Variants in PREX1 observed in about 807,000 individuals in gnomAD.
PREX1 encodes phosphatidylinositol 3,4,5-trisphosphate-dependent Rac exchanger 1 protein.
In PREX1, 41 loss-of-function variants were observed where a neutral mutation model predicts 198.3. The observed-to-expected ratio is 0.21, with a 90% CI of 0.16 to 0.27. PREX1 has a LOEUF of 0.27. PREX1 is among the 10% of genes least tolerant of loss of function. The pLI, the probability that PREX1 is intolerant of heterozygous loss-of-function variation, is 1.00. For missense variants in PREX1, 1,620 were observed against 2,200.7 expected (o/e 0.74, Z 5.28); for synonymous variants, 843 against 887.2 (o/e 0.95, Z 0.89).
chr20:48,627,236 CAG>C (rs1474835260), intron 39 of PREX1, among the ~76,000 whole-genome samples: 2 of 122,688 alleles, frequency 1.6e-5, no homozygotes, highest in African/African-American at 6.4e-5. Context: ...GCATGGGACA[CAG>C]GGTGGAGGGC....
Position 48,634,700 on chromosome 20 carries a change from G to C in PREX1, c.4243C>G (p.Gln1415Glu). The change falls in exon 33 of 40, where the codon CAG becomes GAG. Residue 1415 changes from glutamine to glutamate, a missense_variant. By Grantham distance (29) the Gln-to-Glu change is conservative. Transcript: ENST00000371941. The part of the protein sequence containing the change: ...ELDNVTFSFK[Q>E]LDENYVANTN... The stretch of plus-strand genomic sequence containing the variant: ...CTGGCCACATAGTTCTCGTCCAGCT[G>C]CTTAAAGGAGAAGGTGACATTGTCC... 6.2e-7 allele frequency: 1 copy of C among 1,614,162 alleles called. No individual in the cohort carries two copies. Among genetic ancestry groups the C allele is most frequent in the Non-Finnish European group, 8.5e-7 (1 of 1,180,022 alleles).
intron 5 of PREX1, among the ~76,000 whole-genome samples, chr20:48,723,367 GA>G (rs543602077): frequency 3.5e-4 from 54 of 152,324 alleles, no homozygotes; most frequent in African/African-American, 1.3e-3. Flanking sequence ...GTGACAGAAA[GA>G]AGGAACTCCG....
chr20:48,627,780 G>T, intron 38 of PREX1, 81 bp downstream of exon 38: 2 of 1,445,050 alleles, frequency 1.4e-6, no homozygotes, highest in Non-Finnish European at 1.9e-6. Context: ...GTGGCTACCA[G>T]CCCCTCATCC....
intron 1 of PREX1, among the ~76,000 whole-genome samples, chr20:48,750,062 C>T (rs181836456): frequency 2.8e-3 from 362 of 130,620 alleles, no homozygotes; most frequent in South Asian, 3.8e-3. Context: ...AAACTCACAC[C>T]GAACTCTTCC....
intron 1 of PREX1, among the ~76,000 whole-genome samples, chr20:48,791,925 G>T (rs116337169): frequency 6.6e-6 from 1 of 152,194 alleles, no homozygotes; most frequent in African/African-American, 2.4e-5. Flanking sequence ...TACCGGGCTC[G>T]AGTTCCCGCA....
At position 48,684,939 on chromosome 20, in the gene PREX1, T is replaced by C. The variant is rs1448974997; in HGVS notation, c.1335-3604A>G. On this transcript the variant is annotated intron_variant, in intron 10 of 39. Transcript: ENST00000371941. The surrounding 1 kb of genome is among the most constrained non-coding windows in gnomAD (Gnocchi z 4.2). The stretch of plus-strand genomic sequence containing the variant: ...CCCACACCCTCTCATGGCTGGCTCT[T>C]GCTTGTCTTTCAGATCGTGGTTAAA... Among the ~76,000 whole-genome samples the C allele has an allele frequency of 6.6e-6, 1 of 152,262 alleles. No homozygotes were observed. Among genetic ancestry groups the C allele is most frequent in the East Asian group, 1.9e-4 (1 of 5,202 alleles).
chr20:48,719,029 T>C (rs926630), intron 5 of PREX1, among the ~76,000 whole-genome samples: 75,915 of 152,130 alleles, frequency 0.5, 21,040 homozygotes, highest in African/African-American at 0.75. Flanking sequence ...CATGAGTTTT[T>C]TCATGCATTG....
intron 5 of PREX1, among the ~76,000 whole-genome samples, chr20:48,709,255 A>G (rs2089919277): frequency 6.6e-6 from 1 of 152,194 alleles, no homozygotes; most frequent in African/African-American, 2.4e-5. Context: ...TGGCAGAGAT[A>G]ATTTTCTTTA....
the PREX1 span, among the ~76,000 whole-genome samples, chr20:48,845,215 A>T: frequency 1.3e-5 from 2 of 152,254 alleles, no homozygotes; most frequent in South Asian, 2.1e-4. Flanking sequence ...CGTGAAGCTT[A>T]TATTTCCGGT....
chr20:48,833,228 G>A, the PREX1 span, among the ~76,000 whole-genome samples: 2 of 152,090 alleles, frequency 1.3e-5, no homozygotes, highest in Non-Finnish European at 2.9e-5. Context: ...CATGATGTCT[G>A]GAGCTATGAC....
In PREX1 at chr20:48,739,244, C is replaced by A. The variant is rs2090070567; in HGVS notation, c.415-4594G>T. Among the ~76,000 whole-genome samples the A allele has an allele frequency of 2.0e-5, 3 of 152,236 alleles. No homozygotes were observed. In the South Asian group the frequency reaches 6.2e-4, roughly 32 times the overall value. On this transcript the variant is annotated intron_variant, in intron 3 of 39. Transcript: ENST00000371941. ...CCCTTTCTCACCTTGGTCCAGACCA[C>A]CCTCCCCAAGATCATCCCATTCCAA...
At chr20:48,814,353 C>T (rs1007866729) in intron 1 of PREX1, among the ~76,000 whole-genome samples, 5 of 152,156 alleles carry the variant, frequency 3.3e-5, no homozygotes, top group African/African-American at 1.2e-4. Flanking sequence ...CAAGATAATT[C>T]CAGGCAGTGA....
upstream of PREX1, among the ~76,000 whole-genome samples, chr20:48,832,748 G>T (rs899417615): frequency 2.6e-5 from 4 of 152,224 alleles, no homozygotes; most frequent in African/African-American, 9.6e-5. Flanking sequence ...TCTAAGGGAA[G>T]CCTTGCTGTT....
At chr20:48,873,950 C>G in the PREX1 span, among the ~76,000 whole-genome samples, 1 of 152,038 alleles carries the variant, frequency 6.6e-6, no homozygotes, top group East Asian at 1.9e-4. Context: ...GTGGGGCAAT[C>G]GCAGCCCACT....
At chr20:48,703,003 G>T (rs910265197) in intron 6 of PREX1, among the ~76,000 whole-genome samples, 1 of 152,200 alleles carries the variant, frequency 6.6e-6, no homozygotes, top group African/African-American at 2.4e-5. Flanking sequence ...GAGAGAGGGA[G>T]AATTATTCAC....
At chr20:48,811,629 C>CTGGAT (rs2090436409) in intron 1 of PREX1, among the ~76,000 whole-genome samples, 1 of 95,660 alleles carries the variant, frequency 1.0e-5, no homozygotes, top group Admixed American at 9.4e-5. Flanking sequence ...CACACCCCCC[C>CTGGAT]ACACACACAC....
At chr20:48,722,368 C>T (rs1006488566) in intron 5 of PREX1, among the ~76,000 whole-genome samples, 3 of 152,208 alleles carry the variant, frequency 2.0e-5, no homozygotes, top group African/African-American at 7.2e-5. Context: ...AAGACCAGCA[C>T]TGTGTGATTC....
chr20:48,869,308 T>G, the PREX1 span, among the ~76,000 whole-genome samples: 17 of 2,658 alleles, frequency 6.4e-3, no homozygotes, highest in African/African-American at 0.12. Flanking sequence ...GTTGTTTTGT[T>G]TTTTTTTTTA....
At chr20:48,642,332 C>T (rs2089420753) in intron 28 of PREX1, 74 bp from the exon 29 acceptor site, 3 of 1,605,034 alleles carry the variant, frequency 1.9e-6, no homozygotes, top group South Asian at 1.1e-5. Flanking sequence ...GACCCACAGC[C>T]CCCGGGTCAT....
Sources: allele counts gnomAD v4.1 joint callset (sites outside exome capture counted in the v4.1 genomes callset), GRCh38; gene constraint gnomAD v4.1.1; non-coding constraint Gnocchi (gnomAD v3.1); transcripts MANE v1.5; gene names NCBI Gene and HGNC (gene_info 2026-07-23, HGNC 2026-07-21).